Variants in SLC25A28 observed in about 807,000 individuals in gnomAD.
SLC25A28 encodes the protein mitoferrin-2.
A neutral mutation model predicts 31.9 loss-of-function variants in SLC25A28; 10 were observed. That is an observed-to-expected ratio of 0.31 (90% CI 0.19 to 0.53). The LOEUF is 0.53. Ranked by LOEUF, SLC25A28 falls within the 20% of genes least tolerant of loss-of-function variation. The probability of loss-of-function intolerance (pLI) is 0.95; values close to 1 mark genes in which losing one functional copy is unlikely to be tolerated. For missense variants in SLC25A28, 256 were observed against 490.3 expected, an observed-to-expected ratio of 0.52 and a Z score of 4.51; for synonymous variants, 208 against 203.6, an observed-to-expected ratio of 1.02 and a Z score of -0.19.
the SLC25A28 span, among the ~76,000 whole-genome samples, chr10:99,631,603 G>T: frequency 6.6e-6 from 1 of 152,136 alleles, no homozygotes; most frequent in African/African-American, 2.4e-5. Context: ...TTTTTAAAAA[G>T]TATAAACAGA....
intron 1 of SLC25A28, chr10:99,619,001 T>C (rs2034723021): frequency 1.0e-6 from 1 of 985,302 alleles, no homozygotes. Context: ...ATATCAACAG[T>C]CCCCTCTAGT....
rs2133342451 is a variant in SLC25A28, at chr10:99,613,852, T to C, written c.364A>G (p.Ile122Val). ...RNVLEALWRIIRTEGLWRPMR... is the reference protein window; with the variant it reads ...RNVLEALWRIVRTEGLWRPMR... ...GGCCTCCATAGGCCCTCCGTTCTTA[T>C]AATCCTCCAGAGGGCCTCCAACACA... The change falls in exon 2 of 4, where the codon ATA (isoleucine) becomes GTA (valine). Residue 122 changes from isoleucine (I) to valine (V), a missense_variant. Around this residue, in one of 4 missense-constraint regions of SLC25A28, gnomAD observed 158 missense variants for 379.1 expected, o/e 0.42. Coordinates refer to ENST00000370495, the MANE Select transcript of SLC25A28 (RefSeq NM_031212.4). This position sits in a 1 kb window ranked among gnomAD's most constrained non-coding sequence, Gnocchi z 4.9. The C allele has an allele frequency of 6.2e-7, 1 of 1,614,194 alleles. No individual in the cohort carries two copies. The highest frequency in any genetic ancestry group is 1.1e-5 in the South Asian group (1 of 91,082).
chr10:99,620,880 G>C, upstream of SLC25A28: 1 of 985,490 alleles, frequency 1.0e-6, no homozygotes, highest in Non-Finnish European at 1.2e-6. Flanking sequence ...CTGTGCGCGG[G>C]ATCGCGTCGG....
chr10:99,624,340 C>T (rs2034846369), upstream of SLC25A28, among the ~76,000 whole-genome samples: 1 of 151,920 alleles, frequency 6.6e-6, no homozygotes, highest in Non-Finnish European at 1.5e-5. Flanking sequence ...AAGCAATCCT[C>T]TTGTCTCAGC....
chr10:99,636,428 T>C, the SLC25A28 span, among the ~76,000 whole-genome samples: 3 of 152,122 alleles, frequency 2.0e-5, no homozygotes, highest in Admixed American at 6.5e-5. Flanking sequence ...ATGACAACAA[T>C]GACACAACCT....
At chr10:99,652,757 C>G in the SLC25A28 span, among the ~76,000 whole-genome samples, 1 of 152,200 alleles carries the variant, frequency 6.6e-6, no homozygotes, top group Non-Finnish European at 1.5e-5. Flanking sequence ...TCACCCTGGT[C>G]TCTCTGAGGA....
chr10:99,625,256 A>G (rs1359823333), upstream of SLC25A28, among the ~76,000 whole-genome samples: 1 of 151,908 alleles, frequency 6.6e-6, no homozygotes, highest in African/African-American at 2.4e-5. Flanking sequence ...ATGGAAGGGG[A>G]CCTGAGCAGG....
intron 1 of SLC25A28, 93 bp from the exon 2 acceptor site, chr10:99,614,017 C>A: frequency 7.1e-7 from 1 of 1,404,176 alleles, no homozygotes; most frequent in Non-Finnish European, 9.4e-7. Context: ...TGGAGCTGTG[C>A]CAATCTGTGA....
At chr10:99,637,903 C>G in the SLC25A28 span, among the ~76,000 whole-genome samples, 3 of 152,116 alleles carry the variant, frequency 2.0e-5, no homozygotes, top group Non-Finnish European at 4.4e-5. Flanking sequence ...ATGCAATCCC[C>G]ATCAAAATAC....
chr10:99,629,525 T>C, the SLC25A28 span, among the ~76,000 whole-genome samples: 4 of 152,210 alleles, frequency 2.6e-5, no homozygotes, highest in Non-Finnish European at 5.9e-5. Context: ...ACAGTCCAAA[T>C]GTCCATCAGA....
Position 99,613,173 on chromosome 10 carries a change from T to G in SLC25A28, c.520+523A>C, listed in dbSNP as rs2034570486. Among the ~76,000 whole-genome samples the G allele has an allele frequency of 6.6e-6, 1 of 152,230 alleles. No individual in the cohort carries two copies. The highest frequency in any genetic ancestry group is 1.5e-5 in the Non-Finnish European group (1 of 68,032). ...TTTCTCTTACTTCCACACAACCTTCTGGTTTCTTCATGCAGTTCCTTGGCC... is the reference window on the plus strand; with the variant it reads ...TTTCTCTTACTTCCACACAACCTTCGGGTTTCTTCATGCAGTTCCTTGGCC... On this transcript the variant is annotated intron_variant, in intron 2 of 3. Transcript: ENST00000370495. The surrounding 1 kb of genome is among the most constrained non-coding windows in gnomAD (Gnocchi z 4.9).
the SLC25A28 span, among the ~76,000 whole-genome samples, chr10:99,627,926 A>G: frequency 1.3e-5 from 2 of 151,934 alleles, no homozygotes; most frequent in Non-Finnish European, 2.9e-5. Context: ...TCTACTCTCT[A>G]TGTCCATGAG....
At chr10:99,658,476 T>C in the SLC25A28 span, among the ~76,000 whole-genome samples, 2 of 152,108 alleles carry the variant, frequency 1.3e-5, no homozygotes, top group Admixed American at 6.5e-5. Flanking sequence ...ATACGTATAA[T>C]AGTAATTCAA....
At chr10:99,649,801 T>C in the SLC25A28 span, among the ~76,000 whole-genome samples, 1 of 152,218 alleles carries the variant, frequency 6.6e-6, no homozygotes, top group South Asian at 2.1e-4. Context: ...GGTATCATTT[T>C]AATGTCTCAT....
At chr10:99,626,650 A>G in the SLC25A28 span, among the ~76,000 whole-genome samples, 3 of 152,252 alleles carry the variant, frequency 2.0e-5, no homozygotes, top group Non-Finnish European at 4.4e-5. Context: ...TTCAATCAAG[A>G]TATAACAGTA....
chr10:99,655,004 A>C, the SLC25A28 span, among the ~76,000 whole-genome samples: 3 of 152,248 alleles, frequency 2.0e-5, no homozygotes, highest in Non-Finnish European at 2.9e-5. Context: ...ACTCAGCCTT[A>C]TGAGCTGTTA....
chr10:99,617,401 G>A (rs1399955067), intron 1 of SLC25A28: 3 of 985,474 alleles, frequency 3.0e-6, no homozygotes, highest in Non-Finnish European at 3.6e-6. Context: ...AGGCCTGCAT[G>A]TCAAAAGGCA....
rs534046368 is a variant in SLC25A28 at position 99,615,213 on chromosome 10, C to T, written c.292-1289G>A. Among the ~76,000 whole-genome samples, 20 of 152,060 alleles carry T rather than the reference C, an allele frequency of 1.3e-4. No homozygotes were observed. The East Asian group carries it at 1.4e-3, about 10-fold the overall frequency. On this transcript the variant is annotated intron_variant, in intron 1 of 3. Transcript: ENST00000370495. ...CTATTAAAAATACAAAAAAATTAGC[C>T]GGGCATGGTGGTGTGCACCTGTAAT...
intron 1 of SLC25A28, chr10:99,616,251 TCTGAGCCTCAG>T (rs1156574499): frequency 2.0e-5 from 19 of 952,536 alleles, no homozygotes; most frequent in Non-Finnish European, 7.5e-6. Context: ...AAAGCCTGAG[TCTGAGCCTCAG>T]CTTTGCTAGT....
Sources: gnomAD v4.1 joint callset for allele counts (sites outside exome capture counted in the v4.1 genomes callset) on GRCh38, gnomAD v4.1.1 for gene constraint, gnomAD v4.1.1 regional missense constraint, Gnocchi (gnomAD v3.1) non-coding constraint, MANE v1.5 for transcripts, NCBI Gene and HGNC (gene_info 2026-07-23, HGNC 2026-07-21) for gene names.